The following EDAR variants were observed in gnomAD, a reference collection of about 807,000 sequenced individuals.
The protein encoded by EDAR is ectodysplasin A receptor, also known as tumor necrosis factor receptor superfamily member EDAR.
Under a neutral mutation model 51.3 loss-of-function variants are expected in EDAR, and 38 were observed. That is an observed-to-expected ratio of 0.74 (90% CI 0.57 to 0.97). The LOEUF is 0.97. Ranked by LOEUF, EDAR falls within the 50% of genes least tolerant of loss-of-function variation. EDAR has a pLI of 0.00. For synonymous variants in EDAR, 227 were observed against 242.1 expected, an observed-to-expected ratio of 0.94 and a Z score of 0.58; for missense variants, 528 against 595.0, an observed-to-expected ratio of 0.89 and a Z score of 1.17.
rs1276815202 is a variant in EDAR at position 108,929,189 on chromosome 2, T to G, written c.356+9A>C. 2 of 1,613,736 alleles carry G rather than the reference T, an allele frequency of 1.2e-6. No homozygotes were observed. Among genetic ancestry groups the G allele is most frequent in the East Asian group, 4.5e-5 (2 of 44,900 alleles). ...CATGCCAGGGTTTGCCAGGAGGGCC[T>G]GTGCTTACCCAGGGAGGCAAGGGCC... On this transcript the variant is annotated intron_variant, in intron 4 of 11. Transcript: ENST00000258443.
In EDAR at chr2:108,907,846, T is replaced by C. The variant is rs1360523515; in HGVS notation, c.963+14A>G. Reference sequence around the variant, plus strand: ...ACATCTCACAGCTCATCATGGCACCTGCAGGAGCCTCACCCCGGCTGACTT... The same window carrying C: ...ACATCTCACAGCTCATCATGGCACCCGCAGGAGCCTCACCCCGGCTGACTT... On this transcript the variant is annotated intron_variant, in intron 10 of 11. Coordinates refer to ENST00000258443, the MANE Select transcript of EDAR (RefSeq NM_022336.4). 2 of 1,613,224 alleles carry C rather than the reference T, an allele frequency of 1.2e-6. No individual in the cohort carries two copies. The highest frequency in any genetic ancestry group is 1.7e-6 in the Non-Finnish European group (2 of 1,180,000).
In EDAR at chr2:108,896,924, G is replaced by C. The variant is rs1429907819; in HGVS notation, c.1330C>G (p.Pro444Ala). Residue 444 changes from proline to alanine, a missense_variant, in exon 12 of 12, where the codon CCA (proline) becomes GCA (alanine). Pro to Ala is a conservative substitution (Grantham distance 27). Transcript: ENST00000258443. ...WAGVVPPASQPHAAS is the reference protein window; with the variant it reads ...WAGVVPPASQAHAAS Reference sequence around the variant, plus strand: ...CATGCTTTTCAGGATGCAGCATGTGGCTGGGAGGCAGGTGGCACAACCCCC... The same window carrying C: ...CATGCTTTTCAGGATGCAGCATGTGCCTGGGAGGCAGGTGGCACAACCCCC... The C allele has an allele frequency of 6.2e-7, 1 of 1,612,642 alleles. No individual in the cohort carries two copies. Among genetic ancestry groups the C allele is most frequent in the Non-Finnish European group, 8.5e-7 (1 of 1,179,490 alleles).
chr2:108,958,622 C>G (rs932363557), intron 1 of EDAR, among the ~76,000 whole-genome samples: 2 of 152,164 alleles, frequency 1.3e-5, no homozygotes, highest in Non-Finnish European at 2.9e-5. Flanking sequence ...AGCTAGCTCC[C>G]TTAGCAATGG....
intron 1 of EDAR, among the ~76,000 whole-genome samples, chr2:108,931,734 T>G (rs1295263748): frequency 1.3e-5 from 2 of 152,170 alleles, no homozygotes; most frequent in Non-Finnish European, 2.9e-5. Context: ...TTTTTCTTTT[T>G]TTTTGCTTGT....
Position 108,920,985 on chromosome 2 carries a change from G to A in EDAR, c.442+2383C>T, listed in dbSNP as rs1212123147. 2.0e-5 allele frequency among the ~76,000 whole-genome samples: 3 copies of A among 152,116 alleles called. No homozygotes were observed. The East Asian group carries it at 5.8e-4, about 29-fold the overall frequency. On this transcript the variant is annotated intron_variant, in intron 5 of 11. Coordinates refer to ENST00000258443, the MANE Select transcript of EDAR (RefSeq NM_022336.4). The stretch of plus-strand genomic sequence containing the variant: ...GAGCAGGCTCATAACCTACCGTAGT[G>A]GTTCCCAAACTTGTTAAAAATGTAC...
chr2:108,908,097 G>C, intron 9 of EDAR, 78 bp from the exon 10 acceptor site: 1 of 1,475,648 alleles, frequency 6.8e-7, no homozygotes, highest in Admixed American at 2.2e-5. Flanking sequence ...TGGTGAACTT[G>C]TCCATTGCCC....
At chr2:108,903,313 T>C (rs1303380179) in intron 11 of EDAR, among the ~76,000 whole-genome samples, 1 of 152,140 alleles carries the variant, frequency 6.6e-6, no homozygotes, top group Non-Finnish European at 1.5e-5. Flanking sequence ...TGTCAAATCT[T>C]CCCAGATTGA....
intron 4 of EDAR, among the ~76,000 whole-genome samples, chr2:108,927,513 C>T (rs1245673146): frequency 2.0e-4 from 30 of 152,194 alleles, no homozygotes; most frequent in Admixed American, 1.8e-3. Flanking sequence ...AGAGTCAGCC[C>T]TGGCCTTCGG....
intron 1 of EDAR, among the ~76,000 whole-genome samples, chr2:108,983,101 C>T (rs1423834626): frequency 6.6e-6 from 1 of 152,230 alleles, no homozygotes; most frequent in Non-Finnish European, 1.5e-5. Context: ...ACAAATCCCA[C>T]TCTAAACTCA....
intron 1 of EDAR, among the ~76,000 whole-genome samples, chr2:108,953,116 T>C (rs1697856624): frequency 1.3e-5 from 2 of 152,236 alleles, no homozygotes; most frequent in African/African-American, 4.8e-5. Flanking sequence ...CCCTCAAGCA[T>C]TTATCCTTTG....
At chr2:108,958,714 C>A (rs1697974652) in intron 1 of EDAR, among the ~76,000 whole-genome samples, 1 of 152,160 alleles carries the variant, frequency 6.6e-6, no homozygotes, top group Admixed American at 6.5e-5. Flanking sequence ...TTGGAACACC[C>A]CTAGATATCT....
intron 1 of EDAR, among the ~76,000 whole-genome samples, chr2:108,983,144 G>A (rs1220706343): frequency 1.3e-5 from 2 of 152,130 alleles, no homozygotes; most frequent in African/African-American, 4.8e-5. Flanking sequence ...CACGCTTCTT[G>A]GAGATACAGG....
chr2:108,909,442 T>TGAATCATAGAAAGATCATG (rs1696872837), intron 9 of EDAR, among the ~76,000 whole-genome samples: 1 of 151,412 alleles, frequency 6.6e-6, no homozygotes, highest in Non-Finnish European at 1.5e-5. Flanking sequence ...CTTTGCAAGG[T>TGAATCATAGAAAGATCATG]GAATCATAGG....
At chr2:108,917,857 C>T (rs1157619595) in intron 5 of EDAR, among the ~76,000 whole-genome samples, 1 of 152,132 alleles carries the variant, frequency 6.6e-6, no homozygotes, top group African/African-American at 2.4e-5. Flanking sequence ...CTAATGAAGG[C>T]ACCTGCAGAG....
At chr2:108,917,480 A>T (rs185945786) in intron 5 of EDAR, among the ~76,000 whole-genome samples, 119 of 152,360 alleles carry the variant, frequency 7.8e-4, no homozygotes, top group African/African-American at 2.8e-3. Flanking sequence ...TGATCAGATC[A>T]TGACACTTTG....
At chr2:108,905,705 G>A (rs952645606) in intron 11 of EDAR, among the ~76,000 whole-genome samples, 1 of 152,150 alleles carries the variant, frequency 6.6e-6, no homozygotes. Context: ...TAATAAGAAG[G>A]TAATTTAGAA....
chr2:108,906,882 C>G (rs1696816877), intron 10 of EDAR, among the ~76,000 whole-genome samples: 2 of 152,140 alleles, frequency 1.3e-5, no homozygotes, highest in Admixed American at 1.3e-4. Context: ...ACAGAGGTCA[C>G]TGAACTCGGG....
intron 1 of EDAR, among the ~76,000 whole-genome samples, chr2:108,937,193 G>T (rs186425507): frequency 2.5e-4 from 38 of 152,346 alleles, no homozygotes; most frequent in African/African-American, 8.7e-4. Flanking sequence ...TTTATAAGCA[G>T]CCACTCTTCT....
intron 1 of EDAR, among the ~76,000 whole-genome samples, chr2:108,950,664 T>C (rs1044878314): frequency 2.0e-5 from 3 of 152,252 alleles, no homozygotes; most frequent in Non-Finnish European, 4.4e-5. Context: ...CTCTGCTCTG[T>C]TGGAGCTGCC....
Sources: allele counts gnomAD v4.1 joint callset (sites outside exome capture counted in the v4.1 genomes callset), GRCh38; gene constraint gnomAD v4.1.1; transcripts MANE v1.5; gene names NCBI Gene and HGNC (gene_info 2026-07-23, HGNC 2026-07-21).